MAST4: variants seen among roughly 807,000 people sequenced by gnomAD.
MAST4 encodes the protein microtubule associated serine/threonine kinase family member 4, also known as microtubule-associated serine/threonine-protein kinase 4.
In MAST4, 89 loss-of-function variants were observed where a neutral mutation model predicts 162.7. The observed-to-expected ratio is 0.55, with a 90% CI of 0.46 to 0.65. The LOEUF is 0.65. Among genes scored for constraint, MAST4 ranks in the 30% least tolerant of loss-of-function variants. MAST4 has a pLI of 0.00. For synonymous variants in MAST4, 1,479 were observed against 1,361.1 expected (o/e 1.09, Z -1.91); for missense variants, 3,153 against 3,374.0 (o/e 0.93, Z 1.62).
At chr5:66,835,115 T>C (rs1322041152) in intron 3 of MAST4, among the ~76,000 whole-genome samples, 3 of 152,348 alleles carry the variant, frequency 2.0e-5, no homozygotes, top group African/African-American at 4.8e-5. Flanking sequence ...TTGGCTTTTA[T>C]TGAGTGTTGC....
At chr5:67,075,596 G>GA (rs201738081) in intron 5 of MAST4, among the ~76,000 whole-genome samples, 25 of 150,012 alleles carry the variant, frequency 1.7e-4, no homozygotes, top group African/African-American at 4.9e-4. Context: ...TTATCTTTTA[G>GA]AAAAAAAAAG....
rs192324533 is a variant in MAST4, at chr5:66,918,644, A to C, written c.674+18662A>C. 3.6e-3 allele frequency among the ~76,000 whole-genome samples: 526 copies of C among 145,440 alleles called. 3 individuals are homozygous for C. Among genetic ancestry groups the C allele is most frequent in the African/African-American group, 0.012 (504 of 40,444 alleles). ...GCTAAATACTAAAACTGGGATAAAA[A>C]TAATGGTAATTTTAGCTTACAAATA... On this transcript the variant is annotated intron_variant, in intron 4 of 28. Transcript: ENST00000403625.
At chr5:67,085,367 GC>G (rs981868648) in intron 5 of MAST4, among the ~76,000 whole-genome samples, 1 of 151,922 alleles carries the variant, frequency 6.6e-6, no homozygotes, top group Non-Finnish European at 1.5e-5. Flanking sequence ...TTCCACTCTT[GC>G]CTGCTTAAAG....
rs528204566 is a variant in MAST4, at chr5:67,091,980, C to T, written c.833+1749C>T. ...GTGATCATCATTTTAAATTGTTATT[C>T]AAGTAAACAGAACCCTGTGTTATGA... On this transcript the variant is annotated intron_variant, in intron 6 of 28. Coordinates refer to ENST00000403625, the MANE Select transcript of MAST4 (RefSeq NM_001164664.2). Among the ~76,000 whole-genome samples the T allele has an allele frequency of 3.7e-4, 57 of 152,138 alleles. 1 individual carries two copies. The highest frequency in any genetic ancestry group is 1.5e-4 in the Non-Finnish European group (10 of 68,010).
chr5:67,098,194 C>T (rs1764661628), intron 7 of MAST4, among the ~76,000 whole-genome samples: 1 of 152,112 alleles, frequency 6.6e-6, no homozygotes, highest in South Asian at 2.1e-4. Flanking sequence ...GAAATGTAAA[C>T]ATTATAATAT....
intron 11 of MAST4, among the ~76,000 whole-genome samples, chr5:67,113,301 G>A (rs1338366566): frequency 2.0e-4 from 22 of 112,028 alleles, no homozygotes; most frequent in African/African-American, 6.6e-4. Flanking sequence ...GCGACAGAGC[G>A]AGACTCCGTC....
At chr5:67,142,832 T>G in intron 21 of MAST4, 1 of 250,210 alleles carries the variant, frequency 4.0e-6, no homozygotes, top group Non-Finnish European at 7.6e-6. Flanking sequence ...ACCAATATAT[T>G]TCTCTCTCCA....
intron 1 of MAST4, among the ~76,000 whole-genome samples, chr5:66,623,628 T>G (rs1216360725): frequency 6.6e-6 from 1 of 152,196 alleles, no homozygotes; most frequent in African/African-American, 2.4e-5. Flanking sequence ...AGGAACTTAG[T>G]AAAAGCCATA....
intron 1 of MAST4, among the ~76,000 whole-genome samples, chr5:66,685,667 G>T (rs1486651816): frequency 6.6e-6 from 1 of 152,054 alleles, no homozygotes; most frequent in Non-Finnish European, 1.5e-5. Flanking sequence ...AGTCGTCTCG[G>T]GGAACCATGT....
At chr5:66,767,982 T>C (rs1754180207) in intron 2 of MAST4, among the ~76,000 whole-genome samples, 1 of 152,162 alleles carries the variant, frequency 6.6e-6, no homozygotes, top group African/African-American at 2.4e-5. Flanking sequence ...ATCCACACTT[T>C]ACATCCTTCA....
intron 14 of MAST4, 67 bp downstream of exon 14, chr5:67,121,169 A>G: frequency 7.8e-7 from 1 of 1,282,736 alleles, no homozygotes; most frequent in Non-Finnish European, 1.1e-6. Flanking sequence ...TATTCTTAAC[A>G]TTTATCTAAG....
chr5:66,852,250 T>G (rs906035779), intron 3 of MAST4, among the ~76,000 whole-genome samples: 3 of 152,152 alleles, frequency 2.0e-5, no homozygotes, highest in Non-Finnish European at 2.9e-5. Context: ...CAGGCTCAGG[T>G]GGTCCTCCCA....
chr5:66,899,461 T>C (rs1054001958), intron 3 of MAST4, among the ~76,000 whole-genome samples: 2 of 152,102 alleles, frequency 1.3e-5, no homozygotes, highest in Non-Finnish European at 2.9e-5. Context: ...CATTATTATT[T>C]TAAAAATAGG....
At chr5:66,668,089 A>C (rs936125129) in intron 1 of MAST4, among the ~76,000 whole-genome samples, 1 of 152,238 alleles carries the variant, frequency 6.6e-6, no homozygotes, top group African/African-American at 2.4e-5. Flanking sequence ...CACTCAGAGT[A>C]CAATCAAAGC....
intron 3 of MAST4, among the ~76,000 whole-genome samples, chr5:66,883,351 A>G (rs1045640144): frequency 1.3e-5 from 2 of 151,796 alleles, no homozygotes; most frequent in African/African-American, 4.8e-5. Flanking sequence ...GAAATTTGCC[A>G]ATAGGGAAAA....
At chr5:66,842,985 T>C (rs1031486224) in intron 3 of MAST4, among the ~76,000 whole-genome samples, 1 of 152,186 alleles carries the variant, frequency 6.6e-6, no homozygotes, top group South Asian at 2.1e-4. Context: ...CCTAGACCAA[T>C]CAAAATAATT....
intron 1 of MAST4, among the ~76,000 whole-genome samples, chr5:66,645,893 T>C (rs1236934846): frequency 6.6e-6 from 1 of 152,174 alleles, no homozygotes; most frequent in Admixed American, 6.5e-5. Context: ...TATGGAACAT[T>C]CTTTGCAGAT....
intron 2 of MAST4, among the ~76,000 whole-genome samples, chr5:66,778,439 A>G (rs1754703151): frequency 6.6e-6 from 1 of 152,112 alleles, no homozygotes; most frequent in Admixed American, 6.5e-5. Flanking sequence ...AATAATAGAA[A>G]CATTACAGCT....
At chr5:66,927,653 T>C (rs1765000575) in intron 4 of MAST4, among the ~76,000 whole-genome samples, 1 of 152,192 alleles carries the variant, frequency 6.6e-6, no homozygotes, top group South Asian at 2.1e-4. Context: ...CACACAGTGA[T>C]GTGGACAGAC....
Sources: allele counts gnomAD v4.1 joint callset (sites outside exome capture counted in the v4.1 genomes callset), GRCh38; gene constraint gnomAD v4.1.1; transcripts MANE v1.5; gene names NCBI Gene and HGNC (gene_info 2026-07-23, HGNC 2026-07-21).